ARID4A: variants seen among roughly 807,000 people sequenced by gnomAD.
The protein encoded by ARID4A is AT-rich interactive domain-containing protein 4A.
In ARID4A, 39 loss-of-function variants were observed where a neutral mutation model predicts 148.6. The observed-to-expected ratio is 0.26, with a 90% CI of 0.20 to 0.34. The LOEUF is 0.34. Among genes scored for constraint, ARID4A ranks in the 10% least tolerant of loss-of-function variants. The pLI, the probability that ARID4A is intolerant of heterozygous loss-of-function variation, is 1.00. For synonymous variants in ARID4A, 475 were observed against 481.2 expected (o/e 0.99, Z 0.17); for missense variants, 1,265 against 1,449.1 (o/e 0.87, Z 2.06).
In ARID4A at chr14:58,360,904, A is replaced by G; in HGVS notation, c.1942A>G (p.Lys648Glu). 6.2e-7 allele frequency: 1 copy of G among 1,614,042 alleles called. No homozygotes were observed. The highest frequency in any genetic ancestry group is 8.5e-7 in the Non-Finnish European group (1 of 1,179,974). Residue 648 changes from lysine (K) to glutamate (E), a missense_variant, in exon 19 of 24, where the codon AAA (lysine) becomes GAA (glutamate). By Grantham distance (56) the Lys-to-Glu change is moderately conservative. Coordinates refer to ENST00000355431, the MANE Select transcript of ARID4A (RefSeq NM_002892.4). ...KKKQKKKAKN[K>E]EDSEKDEKRD... ...ACATTTTGTTGTTGTTGCCCAGAAT[A>G]AAGAAGATAGTGAAAAGGACGAAAA...
intron 22 of ARID4A, among the ~76,000 whole-genome samples, chr14:58,366,451 T>C (rs2035364253): frequency 6.6e-6 from 1 of 152,170 alleles, no homozygotes; most frequent in Non-Finnish European, 1.5e-5. Context: ...AAGGTCTCCA[T>C]TAAGAAGCCA....
At chr14:58,359,338 GACCTCCCATAT>G in intron 18 of ARID4A, 122 bp downstream of exon 18, 1 of 863,768 alleles carries the variant, frequency 1.2e-6, no homozygotes. Context: ...AAGGTATATA[GACCTCCCATAT>G]ACTCTCTGCC....
In ARID4A at chr14:58,346,038, A is replaced by G. The variant is rs547579921; in HGVS notation, c.980-373A>G. 9.9e-5 allele frequency among the ~76,000 whole-genome samples: 15 copies of G among 151,824 alleles called. 1 individual carries two copies. In the South Asian group the frequency reaches 1.7e-3, roughly 17 times the overall value. ...GGTGTGAGCCACTGCACCCAGCCCTATGCCCAAGCGTCTTGAACCAGCAAC... is the reference window on the plus strand; with the variant it reads ...GGTGTGAGCCACTGCACCCAGCCCTGTGCCCAAGCGTCTTGAACCAGCAAC... On this transcript the variant is annotated intron_variant, in intron 12 of 23. Coordinates refer to ENST00000355431, the MANE Select transcript of ARID4A (RefSeq NM_002892.4).
intron 11 of ARID4A, among the ~76,000 whole-genome samples, chr14:58,330,431 T>A (rs1425365263): frequency 1.3e-5 from 2 of 152,146 alleles, no homozygotes; most frequent in African/African-American, 2.4e-5. Context: ...TGGGGTCTTT[T>A]CCAAAACAAC....
chr14:58,299,864 A>G lies in ARID4A; in HGVS notation c.6+4A>G, dbSNP rs1566660161. 1.2e-6 allele frequency: 2 copies of G among 1,614,224 alleles called. No homozygotes were observed. The highest frequency in any genetic ancestry group is 2.2e-5 in the East Asian group (1 of 44,874). On this transcript the variant is annotated splice_donor_region_variant and intron_variant, in intron 2 of 23. Coordinates refer to ENST00000355431, the MANE Select transcript of ARID4A (RefSeq NM_002892.4). Reference sequence around the variant, plus strand: ...CAGATCACCAACAAAAATGAAGGTAAGTGGAGTCAACTCTGCCCCGATCCT... The same window carrying G: ...CAGATCACCAACAAAAATGAAGGTAGGTGGAGTCAACTCTGCCCCGATCCT...
intron 5 of ARID4A, among the ~76,000 whole-genome samples, chr14:58,317,125 G>A (rs1230047946): frequency 2.1e-5 from 3 of 146,200 alleles, no homozygotes; most frequent in African/African-American, 5.0e-5. Flanking sequence ...CCCGGGAGGC[G>A]GAGCTTGCAG....
chr14:58,335,791 C>A (rs1261844750), intron 11 of ARID4A, among the ~76,000 whole-genome samples: 1 of 152,146 alleles, frequency 6.6e-6, no homozygotes, highest in Non-Finnish European at 1.5e-5. Context: ...CTTCTCTTAA[C>A]CCCCTGTCCA....
chr14:58,332,873 T>C (rs1249610751), intron 11 of ARID4A, among the ~76,000 whole-genome samples: 1 of 152,174 alleles, frequency 6.6e-6, no homozygotes, highest in East Asian at 1.9e-4. Flanking sequence ...GTCTGTTATT[T>C]GTTGTTTTTA....
intron 5 of ARID4A, 41 bp downstream of exon 5, chr14:58,306,153 T>G (rs761906548): frequency 7.2e-7 from 1 of 1,392,862 alleles, no homozygotes; most frequent in South Asian, 1.2e-5. Flanking sequence ...GATTTGGAGG[T>G]TGCATGTATC....
At chr14:58,315,279 A>C (rs978858045) in intron 5 of ARID4A, among the ~76,000 whole-genome samples, 1 of 152,126 alleles carries the variant, frequency 6.6e-6, no homozygotes, top group Non-Finnish European at 1.5e-5. Flanking sequence ...TATTTAAGTG[A>C]AATGAATTTT....
chr14:58,368,196 A>C (rs1478878053), intron 23 of ARID4A, among the ~76,000 whole-genome samples: 2 of 152,198 alleles, frequency 1.3e-5, no homozygotes, highest in Admixed American at 1.3e-4. Context: ...ATGGAGTGAA[A>C]GTTTGCATAC....
intron 5 of ARID4A, among the ~76,000 whole-genome samples, chr14:58,306,559 TTGATACAGTG>T (rs2031617162): frequency 6.6e-6 from 1 of 152,192 alleles, no homozygotes; most frequent in South Asian, 2.1e-4. Context: ...TTTTTGATTT[TTGATACAGTG>T]TGGGTGCTCA....
chr14:58,323,425 A>G (rs2033024636), intron 7 of ARID4A, 60 bp from the exon 8 acceptor site: 5 of 1,558,902 alleles, frequency 3.2e-6, no homozygotes, highest in Admixed American at 1.7e-5. Context: ...TAAATTCACA[A>G]TACTCTGTAT....
intron 18 of ARID4A, among the ~76,000 whole-genome samples, 182 bp downstream of exon 18, chr14:58,359,398 C>T (rs2035034002): frequency 6.6e-6 from 1 of 152,144 alleles, no homozygotes; most frequent in South Asian, 2.1e-4. Flanking sequence ...CAACATCCCC[C>T]ACCAGAGTGG....
At chr14:58,346,529 A>G (rs1432551007) in intron 13 of ARID4A, 24 bp downstream of exon 13, 1 of 1,510,034 alleles carries the variant, frequency 6.6e-7, no homozygotes, top group Non-Finnish European at 9.2e-7. Flanking sequence ...TGCTTTTTGA[A>G]ACATGTATTG....
intron 1 of ARID4A, among the ~76,000 whole-genome samples, chr14:58,299,032 A>G (rs1226346165): frequency 6.6e-6 from 1 of 152,056 alleles, no homozygotes; most frequent in Non-Finnish European, 1.5e-5. Context: ...CGGCGCGTCC[A>G]CCTCTGCGGA....
intron 12 of ARID4A, among the ~76,000 whole-genome samples, chr14:58,345,719 CTTTTTTTTTTTTTT>C (rs869137059): frequency 1.3e-5 from 1 of 75,870 alleles, no homozygotes; most frequent in East Asian, 4.5e-4. Flanking sequence ...TATGCCTAAA[CTTTTTTTTTTTTTT>C]TTTTTTTTTT....
intron 17 of ARID4A, among the ~76,000 whole-genome samples, chr14:58,354,688 TAAAA>T (rs201953201): frequency 7.3e-5 from 9 of 123,464 alleles, no homozygotes; most frequent in East Asian, 2.2e-4. Context: ...GTCTCATAAA[TAAAA>T]AAAAAAAAAA....
At chr14:58,336,777 T>C (rs1297118398) in intron 11 of ARID4A, among the ~76,000 whole-genome samples, 4 of 152,104 alleles carry the variant, frequency 2.6e-5, no homozygotes, top group East Asian at 3.8e-4. Flanking sequence ...TAAATAAATA[T>C]ATACATATGA....
Sources: allele counts gnomAD v4.1 joint callset (sites outside exome capture counted in the v4.1 genomes callset), GRCh38; gene constraint gnomAD v4.1.1; transcripts MANE v1.5; gene names NCBI Gene and HGNC (gene_info 2026-07-23, HGNC 2026-07-21).